Variants in PGM5 observed in about 807,000 individuals in gnomAD.
PGM5 encodes phosphoglucomutase-like protein 5.
PGM5 carries 23 observed loss-of-function variants against 59.2 expected under a neutral mutation model. The observed-to-expected ratio is 0.39, with a 90% CI of 0.28 to 0.55. PGM5 has a LOEUF of 0.55. Ranked by LOEUF, PGM5 falls within the 20% of genes least tolerant of loss-of-function variation. The pLI, the probability that PGM5 is intolerant of heterozygous loss-of-function variation, is 0.66. For missense variants in PGM5, 574 were observed against 748.3 expected (o/e 0.77, Z 2.72); for synonymous variants, 214 against 286.0 (o/e 0.75, Z 2.54).
At chr9:68,357,912 A>AAAAC (rs1834497954) in intron 1 of PGM5, 1 of 162,988 alleles carries the variant, frequency 6.1e-6, no homozygotes, top group African/African-American at 2.7e-5. Flanking sequence ...GGTGTCTCAG[A>AAAAC]ACACACACAC....
At chr9:68,413,603 C>T (rs1437168589) in intron 6 of PGM5, among the ~76,000 whole-genome samples, 1 of 152,162 alleles carries the variant, frequency 6.6e-6, no homozygotes, top group Non-Finnish European at 1.5e-5. Flanking sequence ...TAAAATATGC[C>T]TCTGGAGAAC....
chr9:68,497,898 C>T (rs924741803), intron 9 of PGM5: 4 of 152,146 alleles, frequency 2.6e-5, no homozygotes, highest in Non-Finnish European at 1.5e-5. Flanking sequence ...TTACAATATC[C>T]CTGCCTCTAC....
intron 6 of PGM5, among the ~76,000 whole-genome samples, chr9:68,456,263 A>G (rs1823773094): frequency 6.6e-6 from 1 of 150,564 alleles, no homozygotes; most frequent in Admixed American, 6.6e-5. Flanking sequence ...ATGATACTTC[A>G]CCAACATTTG....
intron 9 of PGM5, among the ~76,000 whole-genome samples, chr9:68,486,890 A>G (rs1824305083): frequency 6.6e-6 from 1 of 152,310 alleles, no homozygotes; most frequent in South Asian, 2.1e-4. Context: ...CATTCCTGCC[A>G]ACAGTATATG....
intron 2 of PGM5, among the ~76,000 whole-genome samples, chr9:68,382,476 A>G (rs782559952): frequency 2.0e-5 from 3 of 151,800 alleles, no homozygotes. Flanking sequence ...TATCACATCA[A>G]AAGCTCAGGC....
chr9:68,457,526 G>T (rs1406446414), intron 6 of PGM5, among the ~76,000 whole-genome samples: 1 of 152,144 alleles, frequency 6.6e-6, no homozygotes, highest in Non-Finnish European at 1.5e-5. Context: ...TCCATTTATA[G>T]TTGCTGTATA....
At position 68,382,845 on chromosome 9, in the gene PGM5, C is replaced by T. The variant is rs1264622070; in HGVS notation, c.425-1553C>T. Among the ~76,000 whole-genome samples the T allele has an allele frequency of 2.0e-5, 3 of 151,706 alleles. No homozygotes were observed. In the East Asian group the frequency reaches 5.8e-4, roughly 29 times the overall value. On this transcript the variant is annotated intron_variant, in intron 2 of 10. Coordinates refer to ENST00000396396, the MANE Select transcript of PGM5 (RefSeq NM_021965.4). The stretch of plus-strand genomic sequence containing the variant: ...CAACTATCTAGAGAGACAGTACTTT[C>T]TTTACTTTTGGAAATCAGTGTGCTT...
intron 8 of PGM5, among the ~76,000 whole-genome samples, chr9:68,483,014 A>C (rs1269437991): frequency 6.6e-6 from 1 of 152,198 alleles, no homozygotes; most frequent in East Asian, 1.9e-4. Flanking sequence ...CCAAGTTTCC[A>C]AGAGTTCTAT....
chr9:68,364,322 G>A (rs1212651786), intron 1 of PGM5, among the ~76,000 whole-genome samples: 5 of 152,148 alleles, frequency 3.3e-5, no homozygotes, highest in African/African-American at 1.2e-4. Context: ...ACTTGGTTTT[G>A]CATTTACTAG....
chr9:68,418,278 C>T (rs1823069922), intron 6 of PGM5, among the ~76,000 whole-genome samples: 2 of 152,132 alleles, frequency 1.3e-5, no homozygotes. Flanking sequence ...GTTGTATTTA[C>T]TCTGTGGACT....
chr9:68,397,140 G>C (rs1406496797), intron 6 of PGM5: 1 of 152,730 alleles, frequency 6.5e-6, no homozygotes, highest in Non-Finnish European at 1.5e-5. Flanking sequence ...TTCTGAATGT[G>C]TCTGATTTGT....
intron 9 of PGM5, among the ~76,000 whole-genome samples, chr9:68,493,442 T>C (rs1554688006): frequency 6.6e-6 from 1 of 152,234 alleles, no homozygotes; most frequent in Non-Finnish European, 1.5e-5. Context: ...TGCATATGGT[T>C]CAACCTCAGA....
intron 1 of PGM5, among the ~76,000 whole-genome samples, chr9:68,372,177 A>C (rs1821752709): frequency 6.6e-6 from 1 of 151,962 alleles, no homozygotes; most frequent in South Asian, 2.1e-4. Flanking sequence ...TTGGTGGTTT[A>C]AAATCACAGA....
At chr9:68,411,841 C>A (rs1365264404) in intron 6 of PGM5, among the ~76,000 whole-genome samples, 1 of 151,834 alleles carries the variant, frequency 6.6e-6, no homozygotes, top group African/African-American at 2.4e-5. Flanking sequence ...ATAAAGCTTT[C>A]TTCTCTTAGA....
chr9:68,408,850 T>A (rs79462356), intron 6 of PGM5, among the ~76,000 whole-genome samples: 4 of 152,192 alleles, frequency 2.6e-5, no homozygotes, highest in Non-Finnish European at 5.9e-5. Flanking sequence ...CCCATCGCTT[T>A]TTTTTTCTCA....
At chr9:68,413,696 A>C (rs2506662) in intron 6 of PGM5, among the ~76,000 whole-genome samples, 10 of 152,224 alleles carry the variant, frequency 6.6e-5, no homozygotes, top group South Asian at 2.1e-4. Flanking sequence ...ATAAAATGTG[A>C]AGTGTGGATT....
chr9:68,434,750 A>G (rs562377214), intron 6 of PGM5, among the ~76,000 whole-genome samples: 116 of 151,838 alleles, frequency 7.6e-4, no homozygotes, highest in African/African-American at 2.8e-3. Context: ...AGATCGCACC[A>G]CTGCGCTCCA....
intron 6 of PGM5, among the ~76,000 whole-genome samples, chr9:68,427,318 G>T (rs1823254536): frequency 6.6e-6 from 1 of 152,148 alleles, no homozygotes; most frequent in South Asian, 2.1e-4. Flanking sequence ...CACAGATCTT[G>T]TTACAGAGAT....
intron 10 of PGM5, among the ~76,000 whole-genome samples, chr9:68,515,897 G>C (rs563536981): frequency 2.0e-5 from 3 of 152,256 alleles, no homozygotes; most frequent in Admixed American, 6.5e-5. Context: ...AGCAAGTCAG[G>C]CTTCTGTCTT....
Sources: allele counts gnomAD v4.1 joint callset (sites outside exome capture counted in the v4.1 genomes callset), GRCh38; gene constraint gnomAD v4.1.1; transcripts MANE v1.5; gene names NCBI Gene and HGNC (gene_info 2026-07-23, HGNC 2026-07-21).